MARCHF4: variants seen among roughly 807,000 people sequenced by gnomAD.
MARCHF4 encodes membrane associated ring-CH-type finger 4, also known as E3 ubiquitin-protein ligase MARCHF4.
MARCHF4 carries 14 observed loss-of-function variants against 43.9 expected under a neutral mutation model. The ratio of observed to expected loss-of-function variants is 0.32; its 90% CI spans 0.21 to 0.50. MARCHF4 has a LOEUF of 0.50. Ranked by LOEUF, MARCHF4 falls within the 20% of genes least tolerant of loss-of-function variation. MARCHF4 has a pLI of 0.98. For missense variants in MARCHF4, 468 were observed against 536.7 expected (o/e 0.87, Z 1.27); for synonymous variants, 226 against 213.3 (o/e 1.06, Z -0.52).
chr2:216,336,542 G>C (rs1341415550), intron 1 of MARCHF4, among the ~76,000 whole-genome samples: 1 of 151,872 alleles, frequency 6.6e-6, no homozygotes, highest in African/African-American at 2.4e-5. Context: ...TGAAGAATTG[G>C]CTTTGGCTTG....
chr2:216,313,731 G>T (rs1254294623), intron 1 of MARCHF4, among the ~76,000 whole-genome samples: 1 of 152,104 alleles, frequency 6.6e-6, no homozygotes, highest in Non-Finnish European at 1.5e-5. Context: ...TCAGAATTGT[G>T]AAAGGAGCAT....
At chr2:216,316,001 ATCAGGG>A (rs1691769684) in intron 1 of MARCHF4, among the ~76,000 whole-genome samples, 1 of 152,194 alleles carries the variant, frequency 6.6e-6, no homozygotes, top group Admixed American at 6.5e-5. Flanking sequence ...GACATCCTCC[ATCAGGG>A]TCTTTCTATC....
chr2:216,329,910 A>G (rs1304510072), intron 1 of MARCHF4, among the ~76,000 whole-genome samples: 2 of 151,716 alleles, frequency 1.3e-5, no homozygotes, highest in Non-Finnish European at 2.9e-5. Context: ...GCATTGTGAC[A>G]CCCCTGTTTC....
chr2:216,312,673 T>A (rs1220461629), intron 1 of MARCHF4, among the ~76,000 whole-genome samples: 2 of 152,196 alleles, frequency 1.3e-5, no homozygotes, highest in African/African-American at 4.8e-5. Context: ...GTTTGTTAGC[T>A]GCTTGGATGT....
intron 2 of MARCHF4, among the ~76,000 whole-genome samples, chr2:216,281,429 C>T (rs1297812645): frequency 6.6e-6 from 1 of 152,180 alleles, no homozygotes; most frequent in East Asian, 1.9e-4. Context: ...CTGGAAGGAG[C>T]TTCCCCTCTC....
At chr2:216,313,186 T>C (rs1350012397) in intron 1 of MARCHF4, among the ~76,000 whole-genome samples, 3 of 152,176 alleles carry the variant, frequency 2.0e-5, no homozygotes, top group Admixed American at 6.5e-5. Flanking sequence ...GGTCAATTTG[T>C]TGTAGGTATG....
At chr2:216,336,553 T>C (rs1377671351) in intron 1 of MARCHF4, among the ~76,000 whole-genome samples, 3 of 151,974 alleles carry the variant, frequency 2.0e-5, no homozygotes, top group Non-Finnish European at 4.4e-5. Context: ...CTTTGGCTTG[T>C]TCTGTCTGTT....
Position 216,371,750 on chromosome 2 carries a change from T to A in MARCHF4, c.-1490A>T, listed in dbSNP as rs1488190135. The A allele has an allele frequency of 1.3e-5, 2 of 151,550 alleles. No individual in the cohort carries two copies. The highest frequency in any genetic ancestry group is 4.9e-5 in the African/African-American group (2 of 41,226). The allele number at this position is 151,550 out of a possible 1,614,324, so 9.4% of individuals were successfully genotyped here. A position where few individuals can be genotyped will look rare whatever the true frequency, so the allele number is the denominator to read the frequency against. ...GTAATAAAAAATGAAATAATACTAG[T>A]GGAATAATTCGGTTCTCAGGCAAGA... is the stretch of plus-strand genomic sequence containing the variant. On this transcript the variant is annotated 5_prime_UTR_variant, in exon 1 of 4. Transcript: ENST00000273067.
At chr2:216,367,842 T>G (rs560486693) in intron 1 of MARCHF4, among the ~76,000 whole-genome samples, 1 of 152,330 alleles carries the variant, frequency 6.6e-6, no homozygotes, top group African/African-American at 2.4e-5. Context: ...AAAATACAGC[T>G]TTCTGTTATC....
intron 1 of MARCHF4, among the ~76,000 whole-genome samples, chr2:216,298,431 C>T (rs1452926798): frequency 6.6e-6 from 1 of 151,844 alleles, no homozygotes; most frequent in Non-Finnish European, 1.5e-5. Context: ...ACGCTCAGCT[C>T]ATTTTTGTAT....
At chr2:216,364,716 T>C (rs540204599) in intron 1 of MARCHF4, among the ~76,000 whole-genome samples, 1 of 152,298 alleles carries the variant, frequency 6.6e-6, no homozygotes, top group South Asian at 2.1e-4. Context: ...CCAGCAGGAC[T>C]GTCCATACAC....
chr2:216,329,763 T>C (rs1692055553), intron 1 of MARCHF4, among the ~76,000 whole-genome samples: 1 of 150,936 alleles, frequency 6.6e-6, no homozygotes, highest in African/African-American at 2.4e-5. Context: ...AACCCAACTG[T>C]ATGTCCCTTA....
chr2:216,315,842 T>A (rs2105959364), intron 1 of MARCHF4, among the ~76,000 whole-genome samples: 1 of 152,324 alleles, frequency 6.6e-6, no homozygotes, highest in South Asian at 2.1e-4. Context: ...GCTGTTTTCT[T>A]ACTGAGATGG....
At chr2:216,364,645 G>A (rs1692638312) in intron 1 of MARCHF4, among the ~76,000 whole-genome samples, 1 of 152,226 alleles carries the variant, frequency 6.6e-6, no homozygotes, top group Non-Finnish European at 1.5e-5. Context: ...CTTGGCCTAA[G>A]GGCAGGGATT....
chr2:216,314,688 G>T (rs1421550248), intron 1 of MARCHF4, among the ~76,000 whole-genome samples: 2 of 152,094 alleles, frequency 1.3e-5, no homozygotes, highest in Non-Finnish European at 2.9e-5. Context: ...AAGAAGACCA[G>T]GGTTAGGGAA....
At chr2:216,360,326 C>A (rs539943712) in intron 1 of MARCHF4, among the ~76,000 whole-genome samples, 1 of 151,970 alleles carries the variant, frequency 6.6e-6, no homozygotes, top group African/African-American at 2.4e-5. Flanking sequence ...AAATTTATTT[C>A]TAAGGGAGAC....
intron 1 of MARCHF4, among the ~76,000 whole-genome samples, chr2:216,291,619 G>A (rs945368097): frequency 2.0e-5 from 3 of 152,168 alleles, no homozygotes; most frequent in African/African-American, 7.2e-5. Context: ...ATAGGTAAGA[G>A]TTTATAGCAG....
At chr2:216,317,621 C>T (rs1026976050) in intron 1 of MARCHF4, among the ~76,000 whole-genome samples, 5 of 152,178 alleles carry the variant, frequency 3.3e-5, no homozygotes, top group African/African-American at 1.2e-4. Context: ...GCCATGTTGG[C>T]CACACTGGTC....
chr2:216,346,374 A>C (rs1471076066), intron 1 of MARCHF4, among the ~76,000 whole-genome samples: 1 of 152,016 alleles, frequency 6.6e-6, no homozygotes, highest in East Asian at 1.9e-4. Flanking sequence ...CATATAGTTA[A>C]TGCTTTAAAA....
Sources: gnomAD v4.1 joint callset for allele counts (sites outside exome capture counted in the v4.1 genomes callset) on GRCh38, gnomAD v4.1.1 for gene constraint, MANE v1.5 for transcripts, NCBI Gene and HGNC (gene_info 2026-07-23, HGNC 2026-07-21) for gene names.